PCM1: variants seen among roughly 807,000 people sequenced by gnomAD.
The protein encoded by PCM1 is pericentriolar material 1 protein.
A neutral mutation model predicts 241.9 loss-of-function variants in PCM1; 157 were observed. The observed-to-expected ratio is 0.65, with a 90% confidence interval of 0.57 to 0.74. The LOEUF (loss-of-function observed/expected upper bound fraction) is 0.74. Among genes scored for constraint, PCM1 ranks in the 30% least tolerant of loss-of-function variants. The probability of loss-of-function intolerance (pLI) is 0.00; values close to 1 mark genes in which losing one functional copy is unlikely to be tolerated. For synonymous variants in PCM1, 1,085 were observed against 784.9 expected (o/e 1.38, Z -6.39); for missense variants, 3,478 against 2,360.1 (o/e 1.47, Z -9.81).
chr8:17,983,396 A>G (rs2081582005), intron 24 of PCM1: 1 of 442,108 alleles, frequency 2.3e-6, no homozygotes, highest in Non-Finnish European at 4.1e-6. Context: ...AGCTGAGAGT[A>G]TATATGTTAT....
intron 22 of PCM1, 35 bp downstream of exon 22, chr8:17,969,783 A>G (rs759139696): frequency 6.8e-7 from 1 of 1,479,024 alleles, no homozygotes; most frequent in South Asian, 1.2e-5. Flanking sequence ...TTGCTTAAAC[A>G]TTCACTTTTG....
At chr8:18,022,532 C>A (rs1024751181) in intron 36 of PCM1, among the ~76,000 whole-genome samples, 5 of 152,214 alleles carry the variant, frequency 3.3e-5, no homozygotes, top group African/African-American at 1.2e-4. Flanking sequence ...TGGTATCCTT[C>A]CCCTAGCAGG....
chr8:17,969,863 G>A (rs1176891434), intron 22 of PCM1, 115 bp downstream of exon 22: 4 of 770,116 alleles, frequency 5.2e-6, no homozygotes, highest in East Asian at 5.2e-5. Context: ...TTGGCTTGAT[G>A]ATGTTGGAAA....
chr8:17,979,320 G>A (rs1015716985), intron 23 of PCM1, among the ~76,000 whole-genome samples: 3 of 152,226 alleles, frequency 2.0e-5, no homozygotes, highest in African/African-American at 4.8e-5. Flanking sequence ...AATTATAATG[G>A]TAGTAAATAT....
At chr8:17,973,731 A>G (rs1449756018) in intron 23 of PCM1, among the ~76,000 whole-genome samples, 1 of 152,062 alleles carries the variant, frequency 6.6e-6, no homozygotes, top group Non-Finnish European at 1.5e-5. Flanking sequence ...AAAAAAAAAA[A>G]AATTGGTGTT....
At chr8:17,955,368 T>G in intron 9 of PCM1, 102 bp from the exon 10 acceptor site, 2 of 747,960 alleles carry the variant, frequency 2.7e-6, no homozygotes, top group Non-Finnish European at 4.2e-6. Flanking sequence ...AATTAAGTTG[T>G]TAATTTTTAC....
At chr8:17,966,495 T>C (rs766489730) in intron 20 of PCM1, 22 bp downstream of exon 20, 15 of 1,609,670 alleles carry the variant, frequency 9.3e-6, no homozygotes, top group African/African-American at 1.3e-5. Flanking sequence ...CTTAGAAGTA[T>C]TGAGACTGTA....
intron 2 of PCM1, among the ~76,000 whole-genome samples, chr8:17,931,104 A>G (rs1278054167): frequency 6.6e-6 from 1 of 152,184 alleles, no homozygotes; most frequent in African/African-American, 2.4e-5. Context: ...GTTTTAAAAA[A>G]TACTAAAAAA....
intron 26 of PCM1, among the ~76,000 whole-genome samples, chr8:17,987,815 G>A (rs144111759): frequency 1.5e-3 from 229 of 151,932 alleles, no homozygotes; most frequent in Non-Finnish European, 2.3e-3. Flanking sequence ...GTAGCCATTA[G>A]CTACATGTGG....
At chr8:17,955,401 C>T (rs2067826514) in intron 9 of PCM1, 69 bp from the exon 10 acceptor site, 1 of 1,054,822 alleles carries the variant, frequency 9.5e-7, no homozygotes, top group Non-Finnish European at 1.3e-6. Context: ...AATATCCAAG[C>T]CAACTGTATG....
intron 2 of PCM1, among the ~76,000 whole-genome samples, chr8:17,932,140 A>G (rs935192710): frequency 2.0e-5 from 3 of 152,190 alleles, no homozygotes; most frequent in African/African-American, 7.2e-5. Context: ...GGTACTTAGT[A>G]TTCTACCCAG....
chr8:17,986,968 T>A (rs983581407), intron 26 of PCM1, among the ~76,000 whole-genome samples: 2 of 151,846 alleles, frequency 1.3e-5, no homozygotes, highest in Admixed American at 6.6e-5. Context: ...TTGTCTTTCC[T>A]TTTCAGATAC....
chr8:17,987,683 T>C (rs2083068550), intron 26 of PCM1, among the ~76,000 whole-genome samples: 1 of 151,872 alleles, frequency 6.6e-6, no homozygotes, highest in African/African-American at 2.4e-5. Flanking sequence ...TTCCCTTTAC[T>C]AATGCCATTT....
intron 22 of PCM1, 28 bp downstream of exon 22, chr8:17,969,776 C>T (rs773584560): frequency 1.3e-6 from 2 of 1,493,898 alleles, no homozygotes. Context: ...TCTTTTATTG[C>T]TTAAACATTC....
chr8:18,027,212 G>T (rs1386803305), intron 38 of PCM1, among the ~76,000 whole-genome samples: 1 of 152,180 alleles, frequency 6.6e-6, no homozygotes, highest in Non-Finnish European at 1.5e-5. Flanking sequence ...CTACCTGTTA[G>T]AATATGGTAC....
At position 17,937,512 on chromosome 8, in the gene PCM1, G is replaced by A. The variant is rs1201739764; in HGVS notation, c.342+133G>A. On this transcript the variant is annotated intron_variant, in intron 4 of 38. Coordinates refer to ENST00000325083, the MANE Select transcript of PCM1 (RefSeq NM_006197.4). ...AAAAAAGTTTCTGTGCCTATGGAAA[G>A]AATTTTAATCACTGGGGATGGTCCT... The A allele has an allele frequency of 4.1e-6, 3 of 734,694 alleles. No individual in the cohort carries two copies. In the East Asian group the frequency reaches 8.6e-5, roughly 21 times the overall value. 45.5% of individuals were successfully genotyped at this position (734,694 alleles called of 1,614,324 possible).
intron 36 of PCM1, among the ~76,000 whole-genome samples, chr8:18,016,670 A>G (rs2093241807): frequency 6.6e-6 from 1 of 152,208 alleles, no homozygotes; most frequent in Non-Finnish European, 1.5e-5. Flanking sequence ...AAATAAAATG[A>G]ATTGTATGTA....
intron 21 of PCM1, among the ~76,000 whole-genome samples, chr8:17,968,684 T>C (rs2075783920): frequency 6.6e-6 from 1 of 151,664 alleles, no homozygotes; most frequent in African/African-American, 2.4e-5. Flanking sequence ...TACATACATA[T>C]ATTACAGTGT....
chr8:17,957,520 A>G lies in PCM1; in HGVS notation c.1805-20A>G, dbSNP rs2069155029. 6.2e-7 allele frequency: 1 copy of G among 1,603,562 alleles called. No individual in the cohort carries two copies. Among genetic ancestry groups the G allele is most frequent in the South Asian group, 1.1e-5 (1 of 90,576 alleles). On this transcript the variant is annotated intron_variant, in intron 12 of 38. Coordinates refer to ENST00000325083, the MANE Select transcript of PCM1 (RefSeq NM_006197.4). ...TTTCCTTTAAAAGTTACTGGTTTTAATTATACATGTTTTCAGCAGATTGTC... is the reference window on the plus strand; with the variant it reads ...TTTCCTTTAAAAGTTACTGGTTTTAGTTATACATGTTTTCAGCAGATTGTC...
Sources: gnomAD v4.1 joint callset for allele counts (sites outside exome capture counted in the v4.1 genomes callset) on GRCh38, gnomAD v4.1.1 for gene constraint, MANE v1.5 for transcripts, NCBI Gene and HGNC (gene_info 2026-07-23, HGNC 2026-07-21) for gene names.